LYPD6: variants seen among roughly 807,000 people sequenced by gnomAD.
LYPD6 encodes ly6/PLAUR domain-containing protein 6.
In LYPD6, 15 loss-of-function variants were observed where a neutral mutation model predicts 22.7. The observed-to-expected ratio is 0.66, with a 90% CI of 0.44 to 1.02. The LOEUF is 1.02. Among genes scored for constraint, LYPD6 ranks in the 50% least tolerant of loss-of-function variants. LYPD6 has a pLI of 0.00. For missense variants in LYPD6, 189 were observed against 208.4 expected (o/e 0.91, Z 0.57); for synonymous variants, 72 against 77.5 (o/e 0.93, Z 0.37).
intron 3 of LYPD6, among the ~76,000 whole-genome samples, chr2:149,456,840 A>G (rs1465341853): frequency 1.3e-5 from 2 of 152,164 alleles, no homozygotes. Flanking sequence ...AATTTCCAGT[A>G]GTGTAGGTTA....
intron 1 of LYPD6, among the ~76,000 whole-genome samples, chr2:149,421,029 T>C (rs1683066521): frequency 6.6e-6 from 1 of 152,128 alleles, no homozygotes; most frequent in Admixed American, 6.6e-5. Flanking sequence ...ATGAGGAGTT[T>C]TTCAGGATCC....
chr2:149,404,049 G>A (rs1682630359), intron 1 of LYPD6, among the ~76,000 whole-genome samples: 1 of 152,060 alleles, frequency 6.6e-6, no homozygotes, highest in African/African-American at 2.4e-5. Flanking sequence ...TTGTAGATAT[G>A]CGCCATTATT....
rs143636635 is a variant in LYPD6 at position 149,472,193 on chromosome 2, T to C, written c.*1343T>C. 1.3e-5 allele frequency: 2 copies of C among 152,326 alleles called. No individual in the cohort carries two copies. The highest frequency in any genetic ancestry group is 3.9e-4 in the East Asian group (2 of 5,182). The allele number at this position is 152,326 out of a possible 1,614,324, so 9.4% of individuals were successfully genotyped here. On this transcript the variant is annotated 3_prime_UTR_variant, in exon 5 of 5. Coordinates refer to ENST00000334166, the MANE Select transcript of LYPD6 (RefSeq NM_194317.5). ...AACAAAGTGATCAAATTAGAATACA[T>C]ATTTTTCAACAGTGGTAGAGCTTTT...
intron 2 of LYPD6, chr2:149,440,479 G>A (rs1683538064): frequency 6.6e-6 from 1 of 152,188 alleles, no homozygotes; most frequent in South Asian, 2.1e-4. Context: ...AAAAGAATTG[G>A]TGAGGTTTTC....
chr2:149,351,712 G>A (rs899329659), intron 1 of LYPD6, among the ~76,000 whole-genome samples: 1 of 152,162 alleles, frequency 6.6e-6, no homozygotes, highest in Admixed American at 6.5e-5. Flanking sequence ...GGCATAGATA[G>A]CACAGGACAT....
intron 3 of LYPD6, among the ~76,000 whole-genome samples, chr2:149,456,250 CT>C (rs1041646673): frequency 1.8e-4 from 28 of 152,140 alleles, no homozygotes; most frequent in Non-Finnish European, 3.5e-4. Context: ...ATCTTGGGCT[CT>C]TTTTTTCTTT....
At chr2:149,395,942 T>G (rs1420914537) in intron 1 of LYPD6, among the ~76,000 whole-genome samples, 1 of 152,210 alleles carries the variant, frequency 6.6e-6, no homozygotes, top group African/African-American at 2.4e-5. Context: ...GAAAACTGCC[T>G]TTCTGGAGTT....
At chr2:149,330,039 T>C (rs1680897220), upstream of LYPD6, 1 of 152,190 alleles carries the variant, frequency 6.6e-6, no homozygotes, top group African/African-American at 2.4e-5. Flanking sequence ...TCACTTGCTC[T>C]TGAGCTCTGC....
chr2:149,484,655 A>G, the LYPD6 span, among the ~76,000 whole-genome samples: 1 of 152,198 alleles, frequency 6.6e-6, no homozygotes, highest in Non-Finnish European at 1.5e-5. Flanking sequence ...CTTTGAGCAA[A>G]TGAATAAGCA....
At chr2:149,349,280 A>C (rs368506978) in intron 1 of LYPD6, among the ~76,000 whole-genome samples, 2 of 152,156 alleles carry the variant, frequency 1.3e-5, no homozygotes, top group African/African-American at 2.4e-5. Context: ...TCTGTCAGAG[A>C]CAGAGTGAAG....
At chr2:149,415,305 C>T (rs1401731890) in intron 1 of LYPD6, among the ~76,000 whole-genome samples, 1 of 152,182 alleles carries the variant, frequency 6.6e-6, no homozygotes, top group Non-Finnish European at 1.5e-5. Flanking sequence ...GGCTGCCAAA[C>T]CTCAGTTCCT....
chr2:149,378,066 C>A (rs2105084253), intron 1 of LYPD6, among the ~76,000 whole-genome samples: 1 of 152,200 alleles, frequency 6.6e-6, no homozygotes, highest in African/African-American at 2.4e-5. Context: ...CTTCAAAAGA[C>A]TTTCCTAGCT....
intron 1 of LYPD6, among the ~76,000 whole-genome samples, chr2:149,393,828 A>G (rs1682368196): frequency 6.6e-6 from 1 of 152,274 alleles, no homozygotes; most frequent in African/African-American, 2.4e-5. Context: ...GGGTTTTCTA[A>G]GTTCTCCTGG....
At chr2:149,432,959 A>G (rs949698427) in intron 1 of LYPD6, among the ~76,000 whole-genome samples, 1 of 152,242 alleles carries the variant, frequency 6.6e-6, no homozygotes, top group Admixed American at 6.5e-5. Context: ...GTTTTTCTCT[A>G]TAAAATAATA....
chr2:149,445,514 C>T (rs1573814112), intron 2 of LYPD6, among the ~76,000 whole-genome samples: 1 of 152,278 alleles, frequency 6.6e-6, no homozygotes, highest in Non-Finnish European at 1.5e-5. Flanking sequence ...CTTCAGTGAT[C>T]GTAACTAGAT....
At chr2:149,437,482 G>A (rs1683459232) in intron 1 of LYPD6, among the ~76,000 whole-genome samples, 156 bp from the exon 2 acceptor site, 1 of 152,140 alleles carries the variant, frequency 6.6e-6, no homozygotes, top group African/African-American at 2.4e-5. Flanking sequence ...TGTTCTCAGT[G>A]CTCTAAAATT....
At chr2:149,359,118 G>A (rs890953097) in intron 1 of LYPD6, among the ~76,000 whole-genome samples, 2 of 152,236 alleles carry the variant, frequency 1.3e-5, no homozygotes, top group Admixed American at 6.5e-5. Flanking sequence ...ATATTTTAAA[G>A]GAGTGTTTGG....
chr2:149,468,846 CAT>C, intron 4 of LYPD6, 71 bp downstream of exon 4: 1 of 1,515,132 alleles, frequency 6.6e-7, no homozygotes, highest in African/African-American at 1.4e-5. Context: ...TGCCAGTACT[CAT>C]GAGCAGATTC....
chr2:149,417,705 T>C (rs1434216752), intron 1 of LYPD6, among the ~76,000 whole-genome samples: 1 of 152,220 alleles, frequency 6.6e-6, no homozygotes, highest in Non-Finnish European at 1.5e-5. Flanking sequence ...TGTGTTGAGC[T>C]ATATTTAATC....
Sources: gnomAD v4.1 joint callset for allele counts (sites outside exome capture counted in the v4.1 genomes callset) on GRCh38, gnomAD v4.1.1 for gene constraint, MANE v1.5 for transcripts, NCBI Gene and HGNC (gene_info 2026-07-23, HGNC 2026-07-21) for gene names.